ADGRB2: variants seen among roughly 807,000 people sequenced by gnomAD.
ADGRB2 encodes the protein adhesion G protein-coupled receptor B2, also known as brain-specific angiogenesis inhibitor 2.
In ADGRB2, 47 loss-of-function variants were observed where a neutral mutation model predicts 178.7. The ratio of observed to expected loss-of-function variants is 0.26; its 90% CI spans 0.21 to 0.34. ADGRB2 has a LOEUF of 0.34. ADGRB2 is among the 10% of genes least tolerant of loss of function. The probability of loss-of-function intolerance (pLI) is 1.00; values close to 1 mark genes in which losing one functional copy is unlikely to be tolerated. For synonymous variants in ADGRB2, 870 were observed against 912.4 expected (o/e 0.95, Z 0.84); for missense variants, 1,584 against 2,180.8 (o/e 0.73, Z 5.45).
rs2149050147 is a variant in ADGRB2, at chr1:31,755,486, T to C, written c.838+513A>G. On this transcript the variant is annotated intron_variant, in intron 4 of 32. Transcript: ENST00000373658. The surrounding 1 kb of genome is among the most constrained non-coding windows in gnomAD (Gnocchi z 5.1). Reference sequence around the variant, plus strand: ...AGGGACACTCTTCCTTGCCTCTCTCTGCCCTGACCCCGGGGCAACTGCCAA... The same window carrying C: ...AGGGACACTCTTCCTTGCCTCTCTCCGCCCTGACCCCGGGGCAACTGCCAA... Among the ~76,000 whole-genome samples the C allele has an allele frequency of 6.6e-6, 1 of 152,244 alleles. No homozygotes were observed. Among genetic ancestry groups the C allele is most frequent in the African/African-American group, 2.4e-5 (1 of 41,554 alleles).
rs79925304 is a variant in ADGRB2 at position 31,733,327 on chromosome 1, G to C, written c.3453-184C>G. ...GAGCCAGAGCCAGAGAAACAGAACA[G>C]AGACCGAAAGCAGCGAACTACGGGG... is the stretch of plus-strand genomic sequence containing the variant. On this transcript the variant is annotated intron_variant, in intron 25 of 32. Coordinates refer to ENST00000373658, the MANE Select transcript of ADGRB2 (RefSeq NM_001364857.2). The surrounding 1 kb of genome is among the most constrained non-coding windows in gnomAD (Gnocchi z 4.3). Among the ~76,000 whole-genome samples the C allele has an allele frequency of 2.4e-3, 367 of 152,290 alleles. 10 individuals are homozygous for C. In the East Asian group the frequency reaches 0.065, roughly 27 times the overall value.
chr1:31,738,427 A>G, intron 17 of ADGRB2, 101 bp from the exon 18 acceptor site: 1 of 1,568,366 alleles, frequency 6.4e-7, no homozygotes, highest in Non-Finnish European at 8.7e-7. Context: ...CAGTAAGGCC[A>G]CATCCACGAG....
At position 31,756,360 on chromosome 1, in the gene ADGRB2, C is replaced by T; in HGVS notation, c.477G>A (p.Gln159=). The change falls in exon 4 of 33, where the codon CAG becomes CAA. Residue 159 remains glutamine, a synonymous_variant. Coordinates refer to ENST00000373658, the MANE Select transcript of ADGRB2 (RefSeq NM_001364857.2). This position sits in a 1 kb window ranked among gnomAD's most constrained non-coding sequence, Gnocchi z 8.5. The stretch of plus-strand genomic sequence containing the variant: ...CGGAGGGCTCAGCCGACAGGCACAG[C>T]TGCACGAAGTTCTTGTCGAAGTGCA... ...TFLHFDKNFV[Q]LCLSAEPSEA... is the part of the protein sequence containing the mutation. 1 of 1,613,010 alleles carries T rather than the reference C, an allele frequency of 6.2e-7. No individual in the cohort carries two copies. The highest frequency in any genetic ancestry group is 1.3e-5 in the African/African-American group (1 of 75,074).
Position 31,744,445 on chromosome 1 carries a change from G to A in ADGRB2, c.923-88C>T. 2 of 1,509,562 alleles carry A rather than the reference G, an allele frequency of 1.3e-6. No homozygotes were observed. Among genetic ancestry groups the A allele is most frequent in the Non-Finnish European group, 1.8e-6 (2 of 1,124,318 alleles). 93.5% of individuals were successfully genotyped at this position (1,509,562 alleles called of 1,614,324 possible). A position where few individuals can be genotyped will look rare whatever the true frequency, so the allele number is the denominator to read the frequency against. On this transcript the variant is annotated intron_variant, in intron 5 of 32. Coordinates refer to ENST00000373658, the MANE Select transcript of ADGRB2 (RefSeq NM_001364857.2). This position sits in a 1 kb window ranked among gnomAD's most constrained non-coding sequence, Gnocchi z 6.7. ...TAGGGGGAGTGGCAGTAAGGTGGGG[G>A]CAGGCATCAGAGGGCTCCTCCTACC...
intron 29 of ADGRB2, among the ~76,000 whole-genome samples, chr1:31,729,482 C>T (rs1645167207): frequency 6.6e-6 from 1 of 152,194 alleles, no homozygotes; most frequent in African/African-American, 2.4e-5. Flanking sequence ...TCACACTCTG[C>T]CCCGGCACCT....
In ADGRB2 at chr1:31,735,068, C is replaced by G. The variant is rs986848361; in HGVS notation, c.3452+115G>C. 4.1e-5 allele frequency: 43 copies of G among 1,059,606 alleles called. No homozygotes were observed. Among genetic ancestry groups the G allele is most frequent in the Non-Finnish European group, 5.2e-5 (41 of 787,944 alleles). The allele number at this position is 1,059,606 out of a possible 1,614,324, so 65.6% of individuals were successfully genotyped here. ...GTGTGTGGTGGCTGGCAGGAAAGGGCAAGCTTTCCAGGGCACTGGGCTGAT... is the reference window on the plus strand; with the variant it reads ...GTGTGTGGTGGCTGGCAGGAAAGGGGAAGCTTTCCAGGGCACTGGGCTGAT... On this transcript the variant is annotated intron_variant, in intron 25 of 32. Coordinates refer to ENST00000373658, the MANE Select transcript of ADGRB2 (RefSeq NM_001364857.2). This position sits in a 1 kb window ranked among gnomAD's most constrained non-coding sequence, Gnocchi z 6.0.
chr1:31,738,563 A>G, intron 17 of ADGRB2, 24 bp downstream of exon 17: 1 of 1,599,262 alleles, frequency 6.3e-7, no homozygotes, highest in Non-Finnish European at 8.5e-7. Context: ...TCCCTTCCTC[A>G]CCCAGAGGAG....
rs1646975543 is a variant in ADGRB2, at chr1:31,759,402, C to A, written c.-190-1891G>T. ...CTCTGCGGGGTCTTCCTTTGCATGT[C>A]TGAAGCTGGATCTCCCTCCCCTACC... On this transcript the variant is annotated intron_variant, in intron 1 of 32. Coordinates refer to ENST00000373658, the MANE Select transcript of ADGRB2 (RefSeq NM_001364857.2). This position sits in a 1 kb window ranked among gnomAD's most constrained non-coding sequence, Gnocchi z 4.3. 2 of 779,214 alleles carry A rather than the reference C, an allele frequency of 2.6e-6. No individual in the cohort carries two copies. 48.3% of individuals were successfully genotyped at this position (779,214 alleles called of 1,614,324 possible).
Position 31,741,593 on chromosome 1 carries a change from G to A in ADGRB2, c.1687+31C>T, listed in dbSNP as rs1569902434. The A allele has an allele frequency of 1.9e-6, 3 of 1,608,552 alleles. No individual in the cohort carries two copies. The stretch of plus-strand genomic sequence containing the variant: ...GGGGGCAATGAGAATGGCAGGGGTG[G>A]TGGTGGTGGGGAAAGCCACCTGCCC... On this transcript the variant is annotated intron_variant, in intron 10 of 32. Transcript: ENST00000373658. The surrounding 1 kb of genome is among the most constrained non-coding windows in gnomAD (Gnocchi z 6.5).
At chr1:31,762,974 C>G (rs986026188) in intron 1 of ADGRB2, among the ~76,000 whole-genome samples, 4 of 152,226 alleles carry the variant, frequency 2.6e-5, no homozygotes, top group African/African-American at 9.6e-5. Context: ...CCCGGCTGTG[C>G]CCTCGGACCA....
chr1:31,738,842 T>A lies in ADGRB2; in HGVS notation c.2591A>T (p.Tyr864Phe). 6.2e-7 allele frequency: 1 copy of A among 1,613,862 alleles called. No homozygotes were observed. Among genetic ancestry groups the A allele is most frequent in the Non-Finnish European group, 8.5e-7 (1 of 1,179,886 alleles). Residue 864 changes from tyrosine to phenylalanine, a missense_variant, in exon 16 of 33, where the codon TAC becomes TTC. By Grantham distance (22) the Tyr-to-Phe change is conservative. Transcript: ENST00000373658. ...TGGATCTCCACTCACATTGATGATG[T>A]AGGAGAGCTCCACAGTGATGAGGGG... ...AEPLITVELS[Y>F]IINGTTDPHC...
Position 31,739,439 on chromosome 1 carries a change from G to A in ADGRB2, c.2364C>T (p.Gly788=), listed in dbSNP as rs759986098. 36 of 1,591,166 alleles carry A rather than the reference G, an allele frequency of 2.3e-5. No homozygotes were observed. The highest frequency in any genetic ancestry group is 2.9e-5 in the Non-Finnish European group (34 of 1,169,302). The change falls in exon 15 of 33, where the codon GGC becomes GGT. Residue 788 remains glycine, a synonymous_variant. Coordinates refer to ENST00000373658, the MANE Select transcript of ADGRB2 (RefSeq NM_001364857.2). ...CTGGGCCAGGAGGCACCGTTCCTGG[G>A]CCCCTCCCCCTGCCAGGGCTGCCTG... The part of the protein sequence containing the change: ...GAAGSPGRGR[G]PGTVPPGPGH...
chr1:31,732,443 A>G, intron 27 of ADGRB2, 74 bp downstream of exon 27: 1 of 1,531,302 alleles, frequency 6.5e-7, no homozygotes, highest in Non-Finnish European at 9.0e-7. Flanking sequence ...GGGAAGGTAA[A>G]TGGTCTAGGG....
At chr1:31,729,676 G>A (rs1043224094) in intron 29 of ADGRB2, among the ~76,000 whole-genome samples, 5 of 152,142 alleles carry the variant, frequency 3.3e-5, no homozygotes, top group African/African-American at 9.7e-5. Flanking sequence ...GGTTGCCCAC[G>A]CCCGAATTCT....
At position 31,753,357 on chromosome 1, in the gene ADGRB2, C is replaced by T. The variant is rs140741229; in HGVS notation, c.838+2642G>A. 3.9e-5 allele frequency among the ~76,000 whole-genome samples: 6 copies of T among 152,346 alleles called. No homozygotes were observed. The highest frequency in any genetic ancestry group is 1.3e-4 in the Admixed American group (2 of 15,312). The stretch of plus-strand genomic sequence containing the variant: ...AGGCAGTTTGCGTGAAATTAACAGG[C>T]GCCTGTACCCTCTTGTCAAACTCAC... On this transcript the variant is annotated intron_variant, in intron 4 of 32. Coordinates refer to ENST00000373658, the MANE Select transcript of ADGRB2 (RefSeq NM_001364857.2). The surrounding 1 kb of genome is among the most constrained non-coding windows in gnomAD (Gnocchi z 4.1).
At position 31,741,113 on chromosome 1, in the gene ADGRB2, C is replaced by T. The variant is rs1018283290; in HGVS notation, c.1794+260G>A. Among the ~76,000 whole-genome samples the T allele has an allele frequency of 6.6e-6, 1 of 152,284 alleles. No individual in the cohort carries two copies. The highest frequency in any genetic ancestry group is 1.9e-4 in the East Asian group (1 of 5,178). ...GCCCCAGTCTAGCAGCACACACAGACACTTGGATGAGCACCTAATGACTGA... is the reference window on the plus strand; with the variant it reads ...GCCCCAGTCTAGCAGCACACACAGATACTTGGATGAGCACCTAATGACTGA... On this transcript the variant is annotated intron_variant, in intron 11 of 32. Transcript: ENST00000373658. The surrounding 1 kb of genome is among the most constrained non-coding windows in gnomAD (Gnocchi z 6.5).
chr1:31,744,090 A>G lies in ADGRB2; in HGVS notation c.1087+103T>C. The G allele has an allele frequency of 7.3e-7, 1 of 1,372,756 alleles. No individual in the cohort carries two copies. The highest frequency in any genetic ancestry group is 1.5e-5 in the South Asian group (1 of 64,528). The allele number at this position is 1,372,756 out of a possible 1,614,324, so 85.0% of individuals were successfully genotyped here. A position where few individuals can be genotyped will look rare whatever the true frequency, so the allele number is the denominator to read the frequency against. On this transcript the variant is annotated intron_variant, in intron 6 of 32. Transcript: ENST00000373658. This position sits in a 1 kb window ranked among gnomAD's most constrained non-coding sequence, Gnocchi z 6.7. Reference sequence around the variant, plus strand: ...TGTGGGGAACAGCCACATTTGTTGAATGAAAGGAGGAGGCAACCAACCATT... The same window carrying G: ...TGTGGGGAACAGCCACATTTGTTGAGTGAAAGGAGGAGGCAACCAACCATT...
rs1438828822 is a variant in ADGRB2 at position 31,738,184 on chromosome 1, C to T, written c.2772+16G>A. 1.9e-6 allele frequency: 3 copies of T among 1,613,798 alleles called. No homozygotes were observed. In the African/African-American group the frequency reaches 4.0e-5, roughly 22 times the overall value. On this transcript the variant is annotated intron_variant, in intron 18 of 32. Coordinates refer to ENST00000373658, the MANE Select transcript of ADGRB2 (RefSeq NM_001364857.2). ...CCTCCTCCCTTATTCAGCCCAGGCA[C>T]CTCTGTTCCACTCACCAGGTCCTTG...
At position 31,727,761 on chromosome 1, in the gene ADGRB2, C is replaced by T. The variant is rs1645058893; in HGVS notation, c.4573-156G>A. On this transcript the variant is annotated intron_variant, in intron 32 of 32. Transcript: ENST00000373658. This position sits in a 1 kb window ranked among gnomAD's most constrained non-coding sequence, Gnocchi z 4.4. ...ATTCAAATACAGACCTGCCTGGTTC[C>T]AGGGTGGGGCTCCTGACCCCTGTTC... is the stretch of plus-strand genomic sequence containing the variant. 1.4e-5 allele frequency: 13 copies of T among 939,022 alleles called. No individual in the cohort carries two copies. The East Asian group carries it at 3.5e-4, about 25-fold the overall frequency. 58.2% of individuals were successfully genotyped at this position (939,022 alleles called of 1,614,324 possible).
Sources: gnomAD v4.1 joint callset for allele counts (sites outside exome capture counted in the v4.1 genomes callset) on GRCh38, gnomAD v4.1.1 for gene constraint, Gnocchi (gnomAD v3.1) non-coding constraint, MANE v1.5 for transcripts, NCBI Gene and HGNC (gene_info 2026-07-23, HGNC 2026-07-21) for gene names.